Variants in ABCA3 observed in about 807,000 individuals in gnomAD.
ABCA3 encodes phospholipid-transporting ATPase ABCA3.
ABCA3 carries 88 observed loss-of-function variants against 172.8 expected under a neutral mutation model. The ratio of observed to expected loss-of-function variants is 0.51; its 90% CI spans 0.43 to 0.61. The LOEUF (loss-of-function observed/expected upper bound fraction) is 0.61, where lower values mean the gene tolerates loss of function less well. ABCA3 is among the 20% of genes least tolerant of loss of function. The pLI, the probability that ABCA3 is intolerant of heterozygous loss-of-function variation, is 0.00. For missense variants in ABCA3, 2,164 were observed against 2,301.0 expected (o/e 0.94, Z 1.22); for synonymous variants, 1,066 against 983.8 (o/e 1.08, Z -1.56).
chr16:2,285,635 C>T lies in ABCA3; in HGVS notation c.3290G>A (p.Gly1097Glu), dbSNP rs1414096116. 1 of 1,552,278 alleles carries T rather than the reference C, an allele frequency of 6.4e-7. No individual in the cohort carries two copies. Among genetic ancestry groups the T allele is most frequent in the Non-Finnish European group, 8.7e-7 (1 of 1,147,354 alleles). The change falls in exon 23 of 33, where the codon GGA (glycine) becomes GAA (glutamate). Residue 1097 changes from glycine (G) to glutamate (E), a missense_variant. By Grantham distance (98) the Gly-to-Glu change is moderately conservative. Around this residue, in one of 3 missense-constraint regions of ABCA3, gnomAD observed 795 missense variants for 881.9 expected, o/e 0.90. Transcript: ENST00000301732. The surrounding 1 kb of genome is among the most constrained non-coding windows in gnomAD (Gnocchi z 4.7). ...AKDQFNEGRK[G>E]FDIALNLLFA... The stretch of plus-strand genomic sequence containing the variant: ...GAGCAGGTTGAGGGCAATGTCGAAT[C>T]CCTTCCGGCCCCTGCGGGGGACAGA...
chr16:2,287,237 T>G lies in ABCA3; in HGVS notation c.3005-270A>C, dbSNP rs967392589. 2.6e-5 allele frequency among the ~76,000 whole-genome samples: 4 copies of G among 151,956 alleles called. No homozygotes were observed. Among genetic ancestry groups the G allele is most frequent in the Non-Finnish European group, 5.9e-5 (4 of 68,014 alleles). On this transcript the variant is annotated intron_variant, in intron 21 of 32. Transcript: ENST00000301732. This position sits in a 1 kb window ranked among gnomAD's most constrained non-coding sequence, Gnocchi z 4.1. ...GTAGGTTCCATTAACCAGAGCACGGTCCCTGTTCTGAGCCTGGGGCAGTAT... is the reference window on the plus strand; with the variant it reads ...GTAGGTTCCATTAACCAGAGCACGGGCCCTGTTCTGAGCCTGGGGCAGTAT...
At position 2,299,496 on chromosome 16, in the gene ABCA3, T is replaced by C. The variant is rs765298438; in HGVS notation, c.1648A>G (p.Arg550Gly). The C allele has an allele frequency of 5.6e-6, 9 of 1,613,802 alleles. No individual in the cohort carries two copies. In the South Asian group the frequency reaches 6.6e-5, roughly 12 times the overall value. The part of the protein sequence containing the change: ...RVGNKDRAAV[R>G]DLNLNLYEGQ... The stretch of plus-strand genomic sequence containing the variant: ...TCGTACAGGTTGAGGTTCAGGTCTC[T>C]GACGGCCGCCCTGTCCTTATTTCCC... The change falls in exon 14 of 33, where the codon AGA (arginine) becomes GGA (glycine). Residue 550 changes from arginine (R) to glycine (G), a missense_variant. Arg to Gly is a moderately radical substitution (Grantham distance 125). Coordinates refer to ENST00000301732, the MANE Select transcript of ABCA3 (RefSeq NM_001089.3).
At chr16:2,301,031 C>T (rs914003665) in intron 12 of ABCA3, among the ~76,000 whole-genome samples, 3 of 149,778 alleles carry the variant, frequency 2.0e-5, no homozygotes, top group African/African-American at 5.1e-5. Context: ...GAGATCGAGA[C>T]CATCCTGGCT....
chr16:2,289,158 G>A (rs1185920188), intron 20 of ABCA3: 6 of 511,376 alleles, frequency 1.2e-5, no homozygotes, highest in African/African-American at 3.8e-5. Context: ...TTGGCTGCTA[G>A]AGAGCCTCAT....
At position 2,277,703 on chromosome 16, in the gene ABCA3, G is replaced by A. The variant is rs370621453; in HGVS notation, c.4910-33C>T. The A allele has an allele frequency of 9.3e-6, 15 of 1,611,918 alleles. No individual in the cohort carries two copies. The highest frequency in any genetic ancestry group is 6.7e-5 in the African/African-American group (5 of 74,918). On this transcript the variant is annotated intron_variant, in intron 31 of 32. Transcript: ENST00000301732. The surrounding 1 kb of genome is among the most constrained non-coding windows in gnomAD (Gnocchi z 5.3). ...AAGGAGAGACGGTGTTGCTGTGAGC[G>A]CCGGGCTGGAGGATCGGGGAGGGTG... is the stretch of plus-strand genomic sequence containing the variant.
chr16:2,291,447 G>C (rs1289334327), intron 19 of ABCA3, among the ~76,000 whole-genome samples: 1 of 152,038 alleles, frequency 6.6e-6, no homozygotes. Context: ...ACCACGCCCA[G>C]CCCCCATGCA....
At chr16:2,319,559 G>C (rs769332934) in intron 8 of ABCA3, 22 bp downstream of exon 8, 1 of 1,607,612 alleles carries the variant, frequency 6.2e-7, no homozygotes, top group Admixed American at 1.7e-5. Flanking sequence ...TAGAGTGTTG[G>C]GGAGCCAAAG....
Position 2,299,426 on chromosome 16 carries a change from G to A in ABCA3, c.1718C>T (p.Thr573Ile), listed in dbSNP as rs1160289918. 1 of 1,613,680 alleles carries A rather than the reference G, an allele frequency of 6.2e-7. No homozygotes were observed. The highest frequency in any genetic ancestry group is 8.5e-7 in the Non-Finnish European group (1 of 1,179,978). Residue 573 changes from threonine to isoleucine, a missense_variant, in exon 14 of 33, where the codon ACC (threonine) becomes ATC (isoleucine). Thr to Ile is a moderately conservative substitution (Grantham distance 89, BLOSUM62 -1). Transcript: ENST00000301732. ...ACCTGTGAGCATGGAGAGGGTGGTG[G>A]TCTTCCCGGCACCGTTGTGGCCCAG... The part of the protein sequence containing the change: ...VLLGHNGAGK[T>I]TTLSMLTGLF...
intron 18 of ABCA3, 56 bp downstream of exon 18, chr16:2,295,534 C>T: frequency 6.2e-7 from 1 of 1,602,866 alleles, no homozygotes; most frequent in Non-Finnish European, 8.5e-7. Context: ...CCCTCATGGC[C>T]CATGGGGATC....
rs1226857665 is a variant in ABCA3 at position 2,285,466 on chromosome 16, G to A, written c.3459C>T (p.Phe1153=). 1.9e-6 allele frequency: 3 copies of A among 1,611,472 alleles called. No homozygotes were observed. The highest frequency in any genetic ancestry group is 2.5e-6 in the Non-Finnish European group (3 of 1,178,924). The change falls in exon 23 of 33, where the codon TTC becomes TTT. Residue 1153 remains phenylalanine, a synonymous_variant. Transcript: ENST00000301732. This position sits in a 1 kb window ranked among gnomAD's most constrained non-coding sequence, Gnocchi z 4.7. ...LSALLWDLIS[F]LIPSLLLLVV... ...CCAGCAGCAGCAGACTGGGGATGAG[G>A]AAGGAGATGAGGTCCCACAGCAGAG...
Position 2,317,717 on chromosome 16 carries a change from G to A in ABCA3, c.921C>T (p.Ala307=). Residue 307 remains alanine, a synonymous_variant, in exon 9 of 33, where the codon GCC becomes GCT. Transcript: ENST00000301732. ...GGAAGAGGAAGAACAAGAGGAACCAGGCACTCCAGTGCAGCCAGCTGCTGA... is the reference window on the plus strand; with the variant it reads ...GGAAGAGGAAGAACAAGAGGAACCAAGCACTCCAGTGCAGCCAGCTGCTGA... ...MGLSSWLHWS[A]WFLLFFLFLL... is the part of the protein sequence containing the mutation. 6.2e-7 allele frequency: 1 copy of A among 1,614,246 alleles called. No homozygotes were observed. Among genetic ancestry groups the A allele is most frequent in the Non-Finnish European group, 8.5e-7 (1 of 1,180,044 alleles).
Position 2,285,706 on chromosome 16 carries a change from C to A in ABCA3, c.3279-60G>T. 3 of 1,526,314 alleles carry A rather than the reference C, an allele frequency of 2.0e-6. No individual in the cohort carries two copies. In the South Asian group the frequency reaches 3.6e-5, roughly 18 times the overall value. 94.5% of individuals were successfully genotyped at this position (1,526,314 alleles called of 1,614,324 possible). A position where few individuals can be genotyped will look rare whatever the true frequency, so the allele number is the denominator to read the frequency against. On this transcript the variant is annotated intron_variant, in intron 22 of 32. Transcript: ENST00000301732. This position sits in a 1 kb window ranked among gnomAD's most constrained non-coding sequence, Gnocchi z 4.7. The stretch of plus-strand genomic sequence containing the variant: ...AGCACGTCTGGGTGGCAGGAGAGGT[C>A]GGGTTCTCGGTTATGACCGCCCAAG...
chr16:2,331,310 T>A (rs767553211), intron 1 of ABCA3, among the ~76,000 whole-genome samples: 1 of 152,060 alleles, frequency 6.6e-6, no homozygotes, highest in Non-Finnish European at 1.5e-5. Flanking sequence ...GTTCAAGTGA[T>A]CCTCCCATCT....
In ABCA3 at chr16:2,289,469, C is replaced by T. The variant is rs1183346628; in HGVS notation, c.2665G>A (p.Glu889Lys). 6 of 1,594,822 alleles carry T rather than the reference C, an allele frequency of 3.8e-6. No individual in the cohort carries two copies. Among genetic ancestry groups the T allele is most frequent in the African/African-American group, 2.7e-5 (2 of 74,944 alleles). ...DPSDGIGALI[E>K]EERTAVKLNT... ...AGCTTGACAGCGGTGCGCTCCTCCT[C>T]GATGAGGGCTCCAATGCCGTCGGAG... is the stretch of plus-strand genomic sequence containing the variant. The change falls in exon 20 of 33, where the codon GAG becomes AAG. Residue 889 changes from glutamate (E) to lysine (K), a missense_variant. Around this residue, in one of 3 missense-constraint regions of ABCA3, gnomAD observed 1,343 missense variants for 1,369.6 expected, o/e 0.98. Transcript: ENST00000301732.
At chr16:2,276,981 A>G (rs1181980135) in intron 32 of ABCA3, among the ~76,000 whole-genome samples, 176 bp from the exon 33 acceptor site, 1 of 152,180 alleles carries the variant, frequency 6.6e-6, no homozygotes, top group East Asian at 1.9e-4. Flanking sequence ...TCCCAGGTAG[A>G]GGACGCTGGC....
chr16:2,281,616 C>G lies in ABCA3; in HGVS notation c.4036-107G>C. 1 of 1,385,598 alleles carries G rather than the reference C, an allele frequency of 7.2e-7. No homozygotes were observed. Among genetic ancestry groups the G allele is most frequent in the Non-Finnish European group, 1.0e-6 (1 of 994,920 alleles). 85.8% of individuals were successfully genotyped at this position (1,385,598 alleles called of 1,614,324 possible). A position where few individuals can be genotyped will look rare whatever the true frequency, so the allele number is the denominator to read the frequency against. On this transcript the variant is annotated intron_variant, in intron 26 of 32. Transcript: ENST00000301732. The surrounding 1 kb of genome is among the most constrained non-coding windows in gnomAD (Gnocchi z 4.7). ...GTGGGAGGTCTGGTGGGACTAAGGC[C>G]TTCAAGGCTTCTCGTCCCAATCTCA...
At chr16:2,326,924 G>A (rs45486395) in intron 3 of ABCA3, among the ~76,000 whole-genome samples, 1,892 of 152,178 alleles carry the variant, frequency 0.012, 48 homozygotes, top group African/African-American at 0.044. Context: ...GGAGGCGGGG[G>A]TTGCAGTGAG....
At chr16:2,294,855 C>T (rs757328583) in intron 18 of ABCA3, among the ~76,000 whole-genome samples, 12 of 151,898 alleles carry the variant, frequency 7.9e-5, no homozygotes, top group African/African-American at 9.7e-5. Context: ...TGGTGGTGCA[C>T]GCCTGTAATC....
rs762699052 is a variant in ABCA3 at position 2,283,319 on chromosome 16, G to C, written c.3902C>G (p.Pro1301Arg). The change falls in exon 26 of 33, where the codon CCG (proline) becomes CGG (arginine). Residue 1301 changes from proline (P) to arginine (R), a missense_variant. By Grantham distance (103) the Pro-to-Arg change is moderately radical. Around this residue, in one of 3 missense-constraint regions of ABCA3, gnomAD observed 795 missense variants for 881.9 expected, o/e 0.90. Transcript: ENST00000301732. The surrounding 1 kb of genome is among the most constrained non-coding windows in gnomAD (Gnocchi z 5.4). ...YQENFYAWSAPGVGRFVASMA... is the reference protein window; with the variant it reads ...YQENFYAWSARGVGRFVASMA... ...GGAGGCCACAAACCGGCCGACCCCC[G>C]GGGCGCTCCAGGCATAGAAGTTCTC... 3 of 1,613,186 alleles carry C rather than the reference G, an allele frequency of 1.9e-6. No individual in the cohort carries two copies. Among genetic ancestry groups the C allele is most frequent in the Admixed American group, 3.3e-5 (2 of 60,028 alleles).
Sources: gnomAD v4.1 joint callset for allele counts (sites outside exome capture counted in the v4.1 genomes callset) on GRCh38, gnomAD v4.1.1 for gene constraint, gnomAD v4.1.1 regional missense constraint, Gnocchi (gnomAD v3.1) non-coding constraint, MANE v1.5 for transcripts, NCBI Gene and HGNC (gene_info 2026-07-23, HGNC 2026-07-21) for gene names.